LYNX1: variants seen among roughly 807,000 people sequenced by gnomAD.
LYNX1 encodes ly-6/neurotoxin-like protein 1.
In LYNX1, 8 loss-of-function variants were observed where a neutral mutation model predicts 8.3. That is an observed-to-expected ratio of 0.97 (90% CI 0.57 to 1.74). The LOEUF (loss-of-function observed/expected upper bound fraction) is 1.74, where lower values mean the gene tolerates loss of function less well. Among genes scored for constraint, LYNX1 ranks in the 40% most tolerant of loss-of-function variants. The pLI is 0.00. For synonymous variants in LYNX1, 73 were observed against 67.9 expected, an observed-to-expected ratio of 1.08 and a Z score of -0.37; for missense variants, 158 against 159.7, an observed-to-expected ratio of 0.99 and a Z score of 0.06.
chr8:142,775,776 C>A, intron 2 of LYNX1, 82 bp from the exon 3 acceptor site: 1 of 1,534,684 alleles, frequency 6.5e-7, no homozygotes, highest in Non-Finnish European at 8.9e-7. Flanking sequence ...GGCCCCCAGC[C>A]CGTCACCTTC....
rs771766853 is a variant in LYNX1 at position 142,775,573 on chromosome 8, C to T, written c.154+20G>A. The T allele has an allele frequency of 7.0e-6, 11 of 1,572,884 alleles. No homozygotes were observed. Among genetic ancestry groups the T allele is most frequent in the East Asian group, 2.3e-5 (1 of 42,574 alleles). ...CCTTCGTGCTCCCCAGGCAGGGCCA[C>T]GCAGGGCCCCCAGACTCACAGGTGC... On this transcript the variant is annotated intron_variant, in intron 3 of 3. Coordinates refer to ENST00000652477, the MANE Select transcript of LYNX1 (RefSeq NM_177477.4).
Position 142,771,777 on chromosome 8 carries a change from T to TG in LYNX1, c.*3389dup. 1 of 985,080 alleles carries TG rather than the reference T, an allele frequency of 1.0e-6. No homozygotes were observed. Among genetic ancestry groups the TG allele is most frequent in the Non-Finnish European group, 1.2e-6 (1 of 829,740 alleles). 61.0% of individuals were successfully genotyped at this position (985,080 alleles called of 1,614,324 possible). On this transcript the variant is annotated 3_prime_UTR_variant, in exon 4 of 4. Coordinates refer to ENST00000652477, the MANE Select transcript of LYNX1 (RefSeq NM_177477.4). ...AGATGACGAATCAGATGCTACATAG[T>TG]GGGGGAGGCGGCAGCTGGCCTGGCT...
rs1040737662 is a variant in LYNX1 at position 142,774,413 on chromosome 8, A to G, written c.*754T>C. 1.6e-5 allele frequency: 16 copies of G among 985,656 alleles called. No individual in the cohort carries two copies. The highest frequency in any genetic ancestry group is 6.1e-5 in the Admixed American group (1 of 16,266). The allele number at this position is 985,656 out of a possible 1,614,324, so 61.1% of individuals were successfully genotyped here. ...GGTCAGCGTCCAGGACCCACCAAATATAGCATGGCCCTAGCTCCTGCCAGC... is the reference window on the plus strand; with the variant it reads ...GGTCAGCGTCCAGGACCCACCAAATGTAGCATGGCCCTAGCTCCTGCCAGC... On this transcript the variant is annotated 3_prime_UTR_variant, in exon 4 of 4. Coordinates refer to ENST00000652477, the MANE Select transcript of LYNX1 (RefSeq NM_177477.4).
At position 142,774,688 on chromosome 8, in the gene LYNX1, T is replaced by C; in HGVS notation, c.*479A>G. On this transcript the variant is annotated 3_prime_UTR_variant, in exon 4 of 4. Transcript: ENST00000652477. Reference sequence around the variant, plus strand: ...ATCCCGTACCGGTCCTGGCAGCTCCTGGCCTCAGTAGGAAGCGTGACTAGG... The same window carrying C: ...ATCCCGTACCGGTCCTGGCAGCTCCCGGCCTCAGTAGGAAGCGTGACTAGG... 1.0e-6 allele frequency: 1 copy of C among 996,422 alleles called. No homozygotes were observed. The highest frequency in any genetic ancestry group is 1.2e-6 in the Non-Finnish European group (1 of 836,738). The allele number at this position is 996,422 out of a possible 1,614,324, so 61.7% of individuals were successfully genotyped here. A position where few individuals can be genotyped will look rare whatever the true frequency, so the allele number is the denominator to read the frequency against.
chr8:142,775,628 G>A lies in LYNX1; in HGVS notation c.119C>T (p.Pro40Leu), dbSNP rs753679195. ...GGTCATGCAGTAGGCAACCATAGCC[G>A]GGCAGCGCATGGGGTTGAAGCAGTT... ...GDNCFNPMRC[P>L]AMVAYCMTTR... Residue 40 changes from proline (P) to leucine (L), a missense_variant, in exon 3 of 4, where the codon CCG becomes CTG. By Grantham distance (98) the Pro-to-Leu change is moderately conservative (BLOSUM62 -3). Coordinates refer to ENST00000652477, the MANE Select transcript of LYNX1 (RefSeq NM_177477.4). 2.8e-5 allele frequency: 45 copies of A among 1,601,872 alleles called. No homozygotes were observed. The highest frequency in any genetic ancestry group is 6.8e-5 in the East Asian group (3 of 44,354).
In LYNX1 at chr8:142,774,672, C is replaced by T. The variant is rs766901060; in HGVS notation, c.*495G>A. On this transcript the variant is annotated 3_prime_UTR_variant, in exon 4 of 4. Transcript: ENST00000652477. ...TCCTCCCACAGCCCTGATCCCGTAC[C>T]GGTCCTGGCAGCTCCTGGCCTCAGT... is the stretch of plus-strand genomic sequence containing the variant. The T allele has an allele frequency of 6.8e-5, 67 of 991,968 alleles. No individual in the cohort carries two copies. The highest frequency in any genetic ancestry group is 5.2e-4 in the Middle Eastern group (1 of 1,926). 61.4% of individuals were successfully genotyped at this position (991,968 alleles called of 1,614,324 possible).
rs764636212 is a variant in LYNX1, at chr8:142,773,523, C to T, written c.*1644G>A. ...GAAGACTGGCACTGTCCTCCTCCAG[C>T]GGGAACTGGGTGTGCCCTCAGCAAG... On this transcript the variant is annotated 3_prime_UTR_variant, in exon 4 of 4. Transcript: ENST00000652477. 55 of 985,530 alleles carry T rather than the reference C, an allele frequency of 5.6e-5. No homozygotes were observed. The highest frequency in any genetic ancestry group is 5.2e-4 in the Middle Eastern group (1 of 1,916). 61.0% of individuals were successfully genotyped at this position (985,530 alleles called of 1,614,324 possible).
chr8:142,777,655 C>G (rs1002973298), upstream of LYNX1: 1 of 396,210 alleles, frequency 2.5e-6, no homozygotes, highest in Non-Finnish European at 4.4e-6. Flanking sequence ...CCCCGGACCG[C>G]CGGCTCGCCG....
At chr8:142,777,492 CTG>C, upstream of LYNX1, among the ~76,000 whole-genome samples, 4 of 124,764 alleles carry the variant, frequency 3.2e-5, no homozygotes, top group African/African-American at 1.3e-4. Context: ...GACCCGCCTC[CTG>C]GGCACCCGCC....
chr8:142,773,744 C>G lies in LYNX1; in HGVS notation c.*1423G>C. ...CAATTTCCAGCAGGGGCTCCCCTGA[C>G]CAGGGCCATACTTTGGGGCCGGGAC... On this transcript the variant is annotated 3_prime_UTR_variant, in exon 4 of 4. Coordinates refer to ENST00000652477, the MANE Select transcript of LYNX1 (RefSeq NM_177477.4). 1.0e-6 allele frequency: 1 copy of G among 985,350 alleles called. No individual in the cohort carries two copies. The highest frequency in any genetic ancestry group is 1.2e-6 in the Non-Finnish European group (1 of 829,914). The allele number at this position is 985,350 out of a possible 1,614,324, so 61.0% of individuals were successfully genotyped here.
chr8:142,771,593 A>G lies in LYNX1; in HGVS notation c.*3574T>C. 1 of 985,648 alleles carries G rather than the reference A, an allele frequency of 1.0e-6. No homozygotes were observed. 61.1% of individuals were successfully genotyped at this position (985,648 alleles called of 1,614,324 possible). ...GAGATCCTGAGGGGCTGGCAGATTCAGGCCCTCCCTGCGAGCTGAGGTTTG... is the reference window on the plus strand; with the variant it reads ...GAGATCCTGAGGGGCTGGCAGATTCGGGCCCTCCCTGCGAGCTGAGGTTTG... On this transcript the variant is annotated 3_prime_UTR_variant, in exon 4 of 4. Transcript: ENST00000652477.
rs1462386649 is a variant in LYNX1, at chr8:142,771,209, C to T, written c.*3958G>A. 1 of 985,386 alleles carries T rather than the reference C, an allele frequency of 1.0e-6. No homozygotes were observed. The highest frequency in any genetic ancestry group is 1.2e-6 in the Non-Finnish European group (1 of 830,002). 61.0% of individuals were successfully genotyped at this position (985,386 alleles called of 1,614,324 possible). A position where few individuals can be genotyped will look rare whatever the true frequency, so the allele number is the denominator to read the frequency against. ...GGAGAGAAGCGCAGACAATGCGAAT[C>T]TGTTGATTTATTTACGGCTCGGTGA... On this transcript the variant is annotated 3_prime_UTR_variant, in exon 4 of 4. Coordinates refer to ENST00000652477, the MANE Select transcript of LYNX1 (RefSeq NM_177477.4).
In LYNX1 at chr8:142,772,930, C is replaced by A; in HGVS notation, c.*2237G>T. 1 of 985,816 alleles carries A rather than the reference C, an allele frequency of 1.0e-6. No individual in the cohort carries two copies. The highest frequency in any genetic ancestry group is 4.7e-5 in the South Asian group (1 of 21,290). The allele number at this position is 985,816 out of a possible 1,614,324, so 61.1% of individuals were successfully genotyped here. A position where few individuals can be genotyped will look rare whatever the true frequency, so the allele number is the denominator to read the frequency against. On this transcript the variant is annotated 3_prime_UTR_variant, in exon 4 of 4. Coordinates refer to ENST00000652477, the MANE Select transcript of LYNX1 (RefSeq NM_177477.4). ...GAGGCAGGTGTGAGAAGCTGCCCAC[C>A]CCACCCCTCAACACCACAGCACTTC... is the stretch of plus-strand genomic sequence containing the variant.
chr8:142,773,437 T>G lies in LYNX1; in HGVS notation c.*1730A>C. On this transcript the variant is annotated 3_prime_UTR_variant, in exon 4 of 4. Coordinates refer to ENST00000652477, the MANE Select transcript of LYNX1 (RefSeq NM_177477.4). The stretch of plus-strand genomic sequence containing the variant: ...TCTGGGCCCAGTATGATGCCCATCT[T>G]CCCTCTGGGGAGTCACGTTCCTCCC... The G allele has an allele frequency of 1.0e-6, 1 of 985,484 alleles. No homozygotes were observed. The highest frequency in any genetic ancestry group is 1.2e-6 in the Non-Finnish European group (1 of 830,026). 61.0% of individuals were successfully genotyped at this position (985,484 alleles called of 1,614,324 possible). A position where few individuals can be genotyped will look rare whatever the true frequency, so the allele number is the denominator to read the frequency against.
At position 142,772,968 on chromosome 8, in the gene LYNX1, G is replaced by T; in HGVS notation, c.*2199C>A. On this transcript the variant is annotated 3_prime_UTR_variant, in exon 4 of 4. Coordinates refer to ENST00000652477, the MANE Select transcript of LYNX1 (RefSeq NM_177477.4). Reference sequence around the variant, plus strand: ...ACCACAGCACTTCCAGCTCCAGCAGGTCCTTGTTCTCAGCTGCCCCTGAGC... The same window carrying T: ...ACCACAGCACTTCCAGCTCCAGCAGTTCCTTGTTCTCAGCTGCCCCTGAGC... 2.0e-6 allele frequency: 2 copies of T among 985,686 alleles called. No individual in the cohort carries two copies. The highest frequency in any genetic ancestry group is 2.4e-6 in the Non-Finnish European group (2 of 830,108). 61.1% of individuals were successfully genotyped at this position (985,686 alleles called of 1,614,324 possible). A position where few individuals can be genotyped will look rare whatever the true frequency, so the allele number is the denominator to read the frequency against.
chr8:142,771,730 T>C lies in LYNX1; in HGVS notation c.*3437A>G, dbSNP rs1057091534. The stretch of plus-strand genomic sequence containing the variant: ...GACCTTTTTCAGAGTTTCAGAGTTA[T>C]GAACCAAATCGCCTTCATGAGAGAT... On this transcript the variant is annotated 3_prime_UTR_variant, in exon 4 of 4. Coordinates refer to ENST00000652477, the MANE Select transcript of LYNX1 (RefSeq NM_177477.4). 8.1e-6 allele frequency: 8 copies of C among 985,610 alleles called. No individual in the cohort carries two copies. The South Asian group carries it at 1.4e-4, about 17-fold the overall frequency. 61.1% of individuals were successfully genotyped at this position (985,610 alleles called of 1,614,324 possible).
rs867684909 is a variant in LYNX1, at chr8:142,771,366, G to C, written c.*3801C>G. The C allele has an allele frequency of 6.1e-6, 6 of 985,560 alleles. No individual in the cohort carries two copies. Among genetic ancestry groups the C allele is most frequent in the Middle Eastern group, 5.2e-4 (1 of 1,916 alleles). The allele number at this position is 985,560 out of a possible 1,614,324, so 61.1% of individuals were successfully genotyped here. On this transcript the variant is annotated 3_prime_UTR_variant, in exon 4 of 4. Coordinates refer to ENST00000652477, the MANE Select transcript of LYNX1 (RefSeq NM_177477.4). ...TGCCATCCATTCAGCGGGCACTTAT[G>C]CCCACGACCAGCTGAGCCAGACCAG...
chr8:142,775,148 T>A lies in LYNX1; in HGVS notation c.*19A>T. 1 of 1,604,850 alleles carries A rather than the reference T, an allele frequency of 6.2e-7. No homozygotes were observed. The highest frequency in any genetic ancestry group is 8.5e-7 in the Non-Finnish European group (1 of 1,176,242). Reference sequence around the variant, plus strand: ...GTGTCTCGAGAGCTTTGTTCTTGAGTGGGTCTGCCTCGGGGGCTTTAGAGG... The same window carrying A: ...GTGTCTCGAGAGCTTTGTTCTTGAGAGGGTCTGCCTCGGGGGCTTTAGAGG... On this transcript the variant is annotated 3_prime_UTR_variant, in exon 4 of 4. Coordinates refer to ENST00000652477, the MANE Select transcript of LYNX1 (RefSeq NM_177477.4).
chr8:142,777,483 A>C (rs1187966140), upstream of LYNX1, among the ~76,000 whole-genome samples: 2 of 109,264 alleles, frequency 1.8e-5, no homozygotes, highest in African/African-American at 7.7e-5. Flanking sequence ...CCCGCCCCGG[A>C]CCCGCCTCCT....
Sources: gnomAD v4.1 joint callset for allele counts (sites outside exome capture counted in the v4.1 genomes callset) on GRCh38, gnomAD v4.1.1 for gene constraint, MANE v1.5 for transcripts, NCBI Gene and HGNC (gene_info 2026-07-23, HGNC 2026-07-21) for gene names.